The following SNAP47 variants were observed in gnomAD, a reference collection of about 807,000 sequenced individuals.
SNAP47 encodes the protein synaptosomal-associated protein 47.
SNAP47 carries 20 observed loss-of-function variants against 31.4 expected under a neutral mutation model. The observed-to-expected ratio is 0.64, with a 90% confidence interval of 0.45 to 0.93. The LOEUF (loss-of-function observed/expected upper bound fraction) is 0.93, where lower values mean the gene tolerates loss of function less well. Among genes scored for constraint, SNAP47 ranks in the 40% least tolerant of loss-of-function variants. The probability of loss-of-function intolerance (pLI) is 0.00; values close to 1 mark genes in which losing one functional copy is unlikely to be tolerated. For missense variants in SNAP47, 492 were observed against 528.5 expected, an observed-to-expected ratio of 0.93 and a Z score of 0.68; for synonymous variants, 194 against 213.4, an observed-to-expected ratio of 0.91 and a Z score of 0.79.
upstream of SNAP47, chr1:227,735,178 G>C: frequency 6.3e-7 from 1 of 1,581,210 alleles, no homozygotes; most frequent in South Asian, 1.1e-5. Context: ...GCTCCGAGAC[G>C]AAGGCTACCC....
At position 227,780,609 on chromosome 1, in the gene SNAP47, C is replaced by T; in HGVS notation, c.1196C>T (p.Ala399Val). The T allele has an allele frequency of 6.2e-7, 1 of 1,614,232 alleles. No individual in the cohort carries two copies. The highest frequency in any genetic ancestry group is 8.5e-7 in the Non-Finnish European group (1 of 1,180,046). The change falls in exon 5 of 5, where the codon GCA (alanine) becomes GTA (valine). Residue 399 changes from alanine (A) to valine (V), a missense_variant. Physicochemically the swap from Ala to Val is moderately conservative, Grantham distance 64 (BLOSUM62 0). Coordinates refer to ENST00000617596, the MANE Select transcript of SNAP47 (RefSeq NM_053052.4). ...RQDEALDGVA[A>V]AVDRATLTID... ...GACGAAGCCCTGGATGGCGTTGCAG[C>T]AGCTGTGGACAGGGCAACCTTGACC...
rs1230365998 is a variant in SNAP47 at position 227,765,178 on chromosome 1, A to G, written c.989-1781A>G. 2.6e-5 allele frequency among the ~76,000 whole-genome samples: 4 copies of G among 152,216 alleles called. No individual in the cohort carries two copies. In the East Asian group the frequency reaches 7.7e-4, roughly 29 times the overall value. On this transcript the variant is annotated intron_variant, in intron 3 of 4. Transcript: ENST00000617596. ...GCACCAGCACATAGCAGGCTTATAGACCATCACACAGCACATTGCAGACAG... is the reference window on the plus strand; with the variant it reads ...GCACCAGCACATAGCAGGCTTATAGGCCATCACACAGCACATTGCAGACAG...
At chr1:227,765,308 C>T (rs2093611) in intron 3 of SNAP47, among the ~76,000 whole-genome samples, 16,773 of 152,210 alleles carry the variant, frequency 0.11, 1,403 homozygotes, top group East Asian at 0.33. Context: ...AGTTTGTGCC[C>T]CTCCATTCCT....
In SNAP47 at chr1:227,747,782, C is replaced by T. The variant is rs1662064503; in HGVS notation, c.46C>T (p.Leu16=). Reference sequence around the variant, plus strand: ...CCACACCTGGCCGTGCACCTACTACCTGGAGCCCAAGAGGCGATGGGTTAC... The same window carrying T: ...CCACACCTGGCCGTGCACCTACTACTTGGAGCCCAAGAGGCGATGGGTTAC... The part of the protein sequence containing the change: ...CIHTWPCTYY[L]EPKRRWVTGQ... The change falls in exon 2 of 5, where the codon CTG becomes TTG. Residue 16 remains leucine (L), a synonymous_variant. Transcript: ENST00000617596. 1 of 1,614,070 alleles carries T rather than the reference C, an allele frequency of 6.2e-7. No individual in the cohort carries two copies. Among genetic ancestry groups the T allele is most frequent in the Non-Finnish European group, 8.5e-7 (1 of 1,180,042 alleles).
chr1:227,767,142 C>T, intron 4 of SNAP47, 59 bp downstream of exon 4: 1 of 1,594,800 alleles, frequency 6.3e-7, no homozygotes, highest in Non-Finnish European at 8.6e-7. Context: ...CCGCAGGCTG[C>T]TCCTCTTGCC....
chr1:227,780,376 G>C, intron 4 of SNAP47, 151 bp from the exon 5 acceptor site: 1 of 1,110,394 alleles, frequency 9.0e-7, no homozygotes, highest in South Asian at 1.5e-5. Context: ...TGACCCTGGT[G>C]CTGGGCTGCC....
intron 3 of SNAP47, among the ~76,000 whole-genome samples, chr1:227,765,754 T>C (rs536390151): frequency 3.9e-5 from 6 of 152,164 alleles, no homozygotes; most frequent in Non-Finnish European, 8.8e-5. Flanking sequence ...CTCGCACCCA[T>C]CTGCTGGGCC....
intron 1 of SNAP47, among the ~76,000 whole-genome samples, chr1:227,743,329 C>G (rs879373460): frequency 6.6e-6 from 1 of 152,142 alleles, no homozygotes; most frequent in Admixed American, 6.5e-5. Context: ...CTCCTAGAGC[C>G]TTCCTGGGCA....
Position 227,763,735 on chromosome 1 carries a change from G to A in SNAP47, c.989-3224G>A, listed in dbSNP as rs954228142. On this transcript the variant is annotated intron_variant, in intron 3 of 4. Transcript: ENST00000617596. This position sits in a 1 kb window ranked among gnomAD's most constrained non-coding sequence, Gnocchi z 4.2. ...CTGTCTCCTCCATTCAGCTCCCTACGCTGTCCTTACCTGTGCGCTAGCTTC... is the reference window on the plus strand; with the variant it reads ...CTGTCTCCTCCATTCAGCTCCCTACACTGTCCTTACCTGTGCGCTAGCTTC... Among the ~76,000 whole-genome samples, 3 of 152,212 alleles carry A rather than the reference G, an allele frequency of 2.0e-5. No homozygotes were observed. Among genetic ancestry groups the A allele is most frequent in the African/African-American group, 4.8e-5 (2 of 41,454 alleles).
chr1:227,754,617 G>A (rs551563562), intron 2 of SNAP47, among the ~76,000 whole-genome samples: 12 of 152,272 alleles, frequency 7.9e-5, no homozygotes, highest in African/African-American at 2.4e-4. Flanking sequence ...CTCAGTGGCT[G>A]TATAGAGATT....
intron 4 of SNAP47, among the ~76,000 whole-genome samples, chr1:227,772,338 C>T (rs1387003278): frequency 2.0e-5 from 3 of 151,734 alleles, no homozygotes; most frequent in Admixed American, 1.3e-4. Context: ...ACGTTTCTGC[C>T]CCAGCCCCCC....
At chr1:227,773,101 T>C (rs1417581090) in intron 4 of SNAP47, among the ~76,000 whole-genome samples, 1 of 151,428 alleles carries the variant, frequency 6.6e-6, no homozygotes, top group Non-Finnish European at 1.5e-5. Context: ...ATTGGGACTA[T>C]AGGTGTGCAC....
Position 227,768,628 on chromosome 1 carries a change from G to A in SNAP47, c.1113+1545G>A, listed in dbSNP as rs116215837. Reference sequence around the variant, plus strand: ...TTTCCTCCCGGCCTCACTTAGTCATGTCTGGTAATGGCACACACAGCACTG... The same window carrying A: ...TTTCCTCCCGGCCTCACTTAGTCATATCTGGTAATGGCACACACAGCACTG... On this transcript the variant is annotated intron_variant, in intron 4 of 4. Coordinates refer to ENST00000617596, the MANE Select transcript of SNAP47 (RefSeq NM_053052.4). Among the ~76,000 whole-genome samples the A allele has an allele frequency of 8.2e-3, 1,248 of 152,334 alleles. 4 individuals carry two copies. The highest frequency in any genetic ancestry group is 0.013 in the Non-Finnish European group (882 of 68,034).
rs1663149260 is a variant in SNAP47, at chr1:227,762,813, C to G, written c.988+3328C>G. Among the ~76,000 whole-genome samples, 1 of 152,232 alleles carries G rather than the reference C, an allele frequency of 6.6e-6. No individual in the cohort carries two copies. Among genetic ancestry groups the G allele is most frequent in the South Asian group, 2.1e-4 (1 of 4,834 alleles). On this transcript the variant is annotated intron_variant, in intron 3 of 4. Transcript: ENST00000617596. The surrounding 1 kb of genome is among the most constrained non-coding windows in gnomAD (Gnocchi z 4.2). ...GTGGCTTCTGACAGCCTTCTGGAGG[C>G]TGGGCCAGGGCTTGCACAGCAGCCT...
At chr1:227,732,194 C>G (rs1391926121), upstream of SNAP47, 1 of 632,112 alleles carries the variant, frequency 1.6e-6, no homozygotes, top group Non-Finnish European at 2.8e-6. Context: ...TCAGAAGGGC[C>G]ACATCCCATC....
Position 227,759,064 on chromosome 1 carries a change from A to G in SNAP47, c.567A>G (p.Glu189=). ...FSSKLWKTPP[E]TKPREDVSMT... Reference sequence around the variant, plus strand: ...CCAAGCTTTGGAAGACACCACCGGAAACAAAGCCCAGGGAAGATGTCTCCA... The same window carrying G: ...CCAAGCTTTGGAAGACACCACCGGAGACAAAGCCCAGGGAAGATGTCTCCA... Residue 189 remains glutamate, a synonymous_variant, in exon 3 of 5, where the codon GAA becomes GAG. Coordinates refer to ENST00000617596, the MANE Select transcript of SNAP47 (RefSeq NM_053052.4). 6.2e-7 allele frequency: 1 copy of G among 1,614,112 alleles called. No homozygotes were observed. Among genetic ancestry groups the G allele is most frequent in the South Asian group, 1.1e-5 (1 of 91,022 alleles).
At chr1:227,739,448 G>A (rs1198214276) in intron 1 of SNAP47, among the ~76,000 whole-genome samples, 1 of 152,230 alleles carries the variant, frequency 6.6e-6, no homozygotes, top group African/African-American at 2.4e-5. Context: ...TGTGGCTAGA[G>A]TTGGGAACCT....
intron 4 of SNAP47, among the ~76,000 whole-genome samples, chr1:227,772,451 T>C (rs1663881116): frequency 6.6e-6 from 1 of 151,800 alleles, no homozygotes; most frequent in Admixed American, 6.6e-5. Context: ...TTATTTCACT[T>C]GGCATACGGT....
rs916531543 is a variant in SNAP47, at chr1:227,781,128, A to G, written c.*455A>G. ...TCTTTTATCGTCTCGGTTTTAGCCA[A>G]AAGTGAAATTAGCATGACTGCATCT... is the stretch of plus-strand genomic sequence containing the variant. On this transcript the variant is annotated 3_prime_UTR_variant, in exon 5 of 5. Coordinates refer to ENST00000617596, the MANE Select transcript of SNAP47 (RefSeq NM_053052.4). 6.4e-6 allele frequency: 1 copy of G among 157,402 alleles called. No individual in the cohort carries two copies. Among genetic ancestry groups the G allele is most frequent in the Non-Finnish European group, 1.4e-5 (1 of 71,580 alleles). The allele number at this position is 157,402 out of a possible 1,614,324, so 9.8% of individuals were successfully genotyped here.
Sources: gnomAD v4.1 joint callset for allele counts (sites outside exome capture counted in the v4.1 genomes callset) on GRCh38, gnomAD v4.1.1 for gene constraint, Gnocchi (gnomAD v3.1) non-coding constraint, MANE v1.5 for transcripts, NCBI Gene and HGNC (gene_info 2026-07-23, HGNC 2026-07-21) for gene names.